HJURP: variants seen among roughly 807,000 people sequenced by gnomAD.
The protein encoded by HJURP is Holliday junction recognition protein.
A neutral mutation model predicts 72.0 loss-of-function variants in HJURP; 49 were observed. The ratio of observed to expected loss-of-function variants is 0.68; its 90% CI spans 0.54 to 0.86. The LOEUF (loss-of-function observed/expected upper bound fraction) is 0.86, where lower values mean the gene tolerates loss of function less well. Among genes scored for constraint, HJURP ranks in the 40% least tolerant of loss-of-function variants. The pLI is 0.00. For missense variants in HJURP, 908 were observed against 936.3 expected, an observed-to-expected ratio of 0.97 and a Z score of 0.39; for synonymous variants, 357 against 347.1, an observed-to-expected ratio of 1.03 and a Z score of -0.32.
intron 5 of HJURP, 88 bp downstream of exon 5, chr2:233,847,309 C>T: frequency 9.9e-7 from 1 of 1,011,530 alleles, no homozygotes; most frequent in Non-Finnish European, 1.6e-6. Flanking sequence ...GCAGGCAGCG[C>T]TGCCCGCCTC....
At chr2:233,844,323 G>C in intron 6 of HJURP, 40 bp from the exon 7 acceptor site, 4 of 1,509,070 alleles carry the variant, frequency 2.7e-6, no homozygotes, top group Non-Finnish European at 3.7e-6. Context: ...AAAGTTGCCA[G>C]GTGTCAACTG....
At chr2:233,850,898 C>T (rs1705481501) in intron 3 of HJURP, among the ~76,000 whole-genome samples, 1 of 152,232 alleles carries the variant, frequency 6.6e-6, no homozygotes, top group Non-Finnish European at 1.5e-5. Flanking sequence ...CAACACCCGG[C>T]CTGCCAGGGC....
intron 1 of HJURP, 134 bp from the exon 2 acceptor site, chr2:233,854,044 G>C: frequency 1.4e-6 from 1 of 712,748 alleles, no homozygotes; most frequent in Non-Finnish European, 2.4e-6. Flanking sequence ...CTGCAGCGGA[G>C]CCCCCAACTC....
rs3806588 is a variant in HJURP at position 233,842,243 on chromosome 2, C to T, written c.575-38G>A. ...ATACACATAAAGTAAAGGTGTGTTA[C>T]CATTCTAAACCATCCATGTGCACAG... is the stretch of plus-strand genomic sequence containing the variant. On this transcript the variant is annotated intron_variant, in intron 7 of 8. Coordinates refer to ENST00000411486, the MANE Select transcript of HJURP (RefSeq NM_018410.5). 0.011 allele frequency: 16,148 copies of T among 1,508,750 alleles called. 1,633 individuals carry two copies. In the East Asian group the frequency reaches 0.26, roughly 24 times the overall value. 93.5% of individuals were successfully genotyped at this position (1,508,750 alleles called of 1,614,324 possible). A position where few individuals can be genotyped will look rare whatever the true frequency, so the allele number is the denominator to read the frequency against.
chr2:233,844,973 CCT>C (rs201314117), intron 6 of HJURP, among the ~76,000 whole-genome samples: 58 of 147,238 alleles, frequency 3.9e-4, no homozygotes, highest in Middle Eastern at 3.6e-3. Context: ...ACATCCCCCC[CCT>C]CCCAACATGA....
At position 233,841,184 on chromosome 2, in the gene HJURP, G is replaced by A. The variant is rs1214851493; in HGVS notation, c.1596C>T (p.Ser532=). The part of the protein sequence containing the change: ...SSLPKTNPTH[S]ATRPQQTSDL... ...CAGATGTCTGCTGCGGGCGAGTTGC[G>A]CTGTGTGTGGGGTTGGTCTTTGGAA... Residue 532 remains serine (S), a synonymous_variant, in exon 8 of 9, where the codon AGC becomes AGT. Transcript: ENST00000411486. 20 of 1,614,192 alleles carry A rather than the reference G, an allele frequency of 1.2e-5. No individual in the cohort carries two copies. The highest frequency in any genetic ancestry group is 1.7e-5 in the Admixed American group (1 of 60,020).
Position 233,844,258 on chromosome 2 carries a change from T to A in HJURP, c.521A>T (p.Asp174Val). The A allele has an allele frequency of 6.2e-7, 1 of 1,614,094 alleles. No homozygotes were observed. Reference sequence around the variant, plus strand: ...TGAAGGCAGCGGAGTCACACGTACATCCCTTCCAGCTCTGTTACCTGCACA... The same window carrying A: ...TGAAGGCAGCGGAGTCACACGTACAACCCTTCCAGCTCTGTTACCTGCACA... ...FECAGNRAGR[D>V]VRVTPLPSLA... The change falls in exon 7 of 9, where the codon GAT (aspartate) becomes GTT (valine). Residue 174 changes from aspartate (D) to valine (V), a missense_variant. Asp to Val is a radical substitution (Grantham distance 152). Around this residue, in one of 3 missense-constraint regions of HJURP, gnomAD observed 299 missense variants for 286.7 expected, o/e 1.04. Transcript: ENST00000411486.
chr2:233,837,763 T>A (rs1385666079), intron 8 of HJURP, 111 bp from the exon 9 acceptor site: 2 of 705,582 alleles, frequency 2.8e-6, no homozygotes, highest in African/African-American at 1.8e-5. Context: ...TGTATAAAAA[T>A]ACTTATAGAA....
rs760200364 is a variant in HJURP at position 233,841,522 on chromosome 2, G to A, written c.1258C>T (p.Pro420Ser). Residue 420 changes from proline (P) to serine (S), a missense_variant, in exon 8 of 9, where the codon CCA becomes TCA. Transcript: ENST00000411486. ...LISPVKIVSR[P>S]TIRQGHGENR... ...TCTCCATGGCCCTGTCGTATTGTTG[G>A]TCTGGAAACTATTTTTACAGGAGAA... 2 of 1,613,938 alleles carry A rather than the reference G, an allele frequency of 1.2e-6. No individual in the cohort carries two copies. Among genetic ancestry groups the A allele is most frequent in the African/African-American group, 2.7e-5 (2 of 74,886 alleles).
intron 1 of HJURP, 39 bp downstream of exon 1, chr2:233,854,345 C>G (rs1252320193): frequency 6.9e-7 from 1 of 1,459,794 alleles, no homozygotes; most frequent in East Asian, 2.3e-5. Context: ...CACTCCGACA[C>G]GCAGGCCTCC....
At chr2:233,843,203 G>A (rs917351016) in intron 7 of HJURP, among the ~76,000 whole-genome samples, 3 of 152,134 alleles carry the variant, frequency 2.0e-5, no homozygotes, top group African/African-American at 4.8e-5. Context: ...GCCAAGGAAC[G>A]GCAGAGACAG....
intron 7 of HJURP, 74 bp from the exon 8 acceptor site, chr2:233,842,279 T>G: frequency 7.7e-7 from 1 of 1,305,348 alleles, no homozygotes. Flanking sequence ...ATGACAGAAC[T>G]TAAGATTGGA....
At chr2:233,842,355 T>C (rs1705254808) in intron 7 of HJURP, 150 bp from the exon 8 acceptor site, 1 of 621,738 alleles carries the variant, frequency 1.6e-6, no homozygotes, top group Admixed American at 3.4e-5. Context: ...GAGTAGACTC[T>C]TCTCAGAGAT....
chr2:233,853,025 C>CAG (rs1429342388), intron 2 of HJURP, among the ~76,000 whole-genome samples: 3 of 152,168 alleles, frequency 2.0e-5, no homozygotes, highest in African/African-American at 7.2e-5. Flanking sequence ...ACATGTTATA[C>CAG]AGAGACCAAA....
Position 233,840,657 on chromosome 2 carries a change from A to T in HJURP, c.2123T>A (p.Val708Asp). ...AGAGCTGCCCTGGTCTCCCGGTCTGACGGTGTTGTCCACCCCATCTGAGGC... is the reference window on the plus strand; with the variant it reads ...AGAGCTGCCCTGGTCTCCCGGTCTGTCGGTGTTGTCCACCCCATCTGAGGC... Reference protein sequence around the residue: ...LGASDGVDNTVRPGDQGSSSQ... With the variant: ...LGASDGVDNTDRPGDQGSSSQ... The change falls in exon 8 of 9, where the codon GTC becomes GAC. Residue 708 changes from valine to aspartate, a missense_variant. Physicochemically the swap from Val to Asp is radical, Grantham distance 152. Transcript: ENST00000411486. 1 of 1,611,806 alleles carries T rather than the reference A, an allele frequency of 6.2e-7. No individual in the cohort carries two copies. Among genetic ancestry groups the T allele is most frequent in the Non-Finnish European group, 8.5e-7 (1 of 1,179,404 alleles).
chr2:233,841,561 A>G lies in HJURP; in HGVS notation c.1219T>C (p.Leu407=). The change falls in exon 8 of 9, where the codon TTA becomes CTA. Residue 407 remains leucine, a synonymous_variant. Transcript: ENST00000411486. ...TTTACAGGAGAAATTAACCATTTTA[A>G]TGTCCTAAATCTATTTTCCTCATCA... is the stretch of plus-strand genomic sequence containing the variant. The part of the protein sequence containing the change: ...NLDEENRFRT[L]KWLISPVKIV... 1 of 1,614,116 alleles carries G rather than the reference A, an allele frequency of 6.2e-7. No homozygotes were observed. The highest frequency in any genetic ancestry group is 1.3e-5 in the African/African-American group (1 of 75,050).
chr2:233,848,147 G>T (rs921247812), intron 4 of HJURP, among the ~76,000 whole-genome samples: 1 of 151,950 alleles, frequency 6.6e-6, no homozygotes, highest in Admixed American at 6.6e-5. Flanking sequence ...ATTGGTGTAG[G>T]CAAGGTGCCA....
chr2:233,839,182 A>G (rs1705154488), intron 8 of HJURP, among the ~76,000 whole-genome samples: 1 of 152,238 alleles, frequency 6.6e-6, no homozygotes, highest in South Asian at 2.1e-4. Flanking sequence ...AACATCCAAC[A>G]AAACCTGGGA....
chr2:233,852,848 A>C (rs150256469), intron 2 of HJURP, among the ~76,000 whole-genome samples: 3 of 152,338 alleles, frequency 2.0e-5, no homozygotes, highest in African/African-American at 7.2e-5. Context: ...CGGCTCATCA[A>C]ATTACATCAT....
Sources: allele counts gnomAD v4.1 joint callset (sites outside exome capture counted in the v4.1 genomes callset), GRCh38; gene constraint gnomAD v4.1.1; regional missense constraint gnomAD v4.1.1; transcripts MANE v1.5; gene names NCBI Gene and HGNC (gene_info 2026-07-23, HGNC 2026-07-21).